BAZ1A: variants seen among roughly 807,000 people sequenced by gnomAD.
BAZ1A encodes the protein bromodomain adjacent to zinc finger domain protein 1A.
Under a neutral mutation model 185.2 loss-of-function variants are expected in BAZ1A, and 50 were observed. The ratio of observed to expected loss-of-function variants is 0.27; its 90% confidence interval spans 0.22 to 0.34. The LOEUF (loss-of-function observed/expected upper bound fraction) is 0.34, where lower values mean the gene tolerates loss of function less well. BAZ1A is among the 10% of genes least tolerant of loss of function. BAZ1A has a pLI of 1.00. For missense variants in BAZ1A, 1,356 were observed against 1,839.9 expected, an observed-to-expected ratio of 0.74 and a Z score of 4.81; for synonymous variants, 571 against 615.6, an observed-to-expected ratio of 0.93 and a Z score of 1.07.
intron 2 of BAZ1A, among the ~76,000 whole-genome samples, chr14:34,863,152 CTTT>C (rs71121233): frequency 0.044 from 1,971 of 44,748 alleles, 104 homozygotes; most frequent in South Asian, 0.07. Flanking sequence ...CCACGCTCGG[CTTT>C]TTTTTTTTTT....
At chr14:34,814,053 A>AG (rs1038633679) in intron 4 of BAZ1A, among the ~76,000 whole-genome samples, 1 of 151,734 alleles carries the variant, frequency 6.6e-6, no homozygotes, top group African/African-American at 2.4e-5. Flanking sequence ...AAAAAAAAAA[A>AG]AAAGAAAGAA....
chr14:34,809,524 T>A (rs1173288074), intron 5 of BAZ1A, among the ~76,000 whole-genome samples: 2 of 152,222 alleles, frequency 1.3e-5, no homozygotes, highest in African/African-American at 4.8e-5. Context: ...CTCTAGCATA[T>A]CAAGTCTTCT....
At chr14:34,825,447 CAAAAAAAAAAAAAAA>C (rs35449855) in intron 4 of BAZ1A, among the ~76,000 whole-genome samples, 19,713 of 57,034 alleles carry the variant, frequency 0.35, 2,287 homozygotes, top group Admixed American at 0.54. Context: ...AACTCTGTCT[CAAAAAAAAAAAAAAA>C]AAAAAAAAAA....
chr14:34,823,520 C>T (rs150298793), intron 4 of BAZ1A, among the ~76,000 whole-genome samples: 207 of 151,430 alleles, frequency 1.4e-3, no homozygotes, highest in African/African-American at 3.7e-3. Context: ...ATTAGCTGGG[C>T]GTGGTGGCAC....
intron 4 of BAZ1A, among the ~76,000 whole-genome samples, chr14:34,819,853 C>CCT (rs377047259): frequency 4.9e-4 from 74 of 152,268 alleles, no homozygotes; most frequent in Non-Finnish European, 8.4e-4. Flanking sequence ...GCCAAACTGT[C>CCT]CTCTTAAGTG....
At chr14:34,855,160 T>A (rs1043430729) in intron 3 of BAZ1A, among the ~76,000 whole-genome samples, 5 of 152,198 alleles carry the variant, frequency 3.3e-5, no homozygotes, top group African/African-American at 1.2e-4. Context: ...AAGTTCAGCC[T>A]AAAGGTTTCT....
At chr14:34,832,215 C>CACACACACACACATATATATATATATAT in intron 3 of BAZ1A, among the ~76,000 whole-genome samples, 43 of 89,688 alleles carry the variant, frequency 4.8e-4, no homozygotes, top group African/African-American at 7.5e-4. Context: ...CACACACACA[C>CACACACACACACATATATATATATATAT]ATATATATAT....
At position 34,765,037 on chromosome 14, in the gene BAZ1A, A is replaced by G; in HGVS notation, c.3533T>C (p.Val1178Ala). 6.2e-7 allele frequency: 1 copy of G among 1,614,194 alleles called. No individual in the cohort carries two copies. The highest frequency in any genetic ancestry group is 8.5e-7 in the Non-Finnish European group (1 of 1,180,022). The change falls in exon 22 of 27, where the codon GTT (valine) becomes GCT (alanine). Residue 1178 changes from valine (V) to alanine (A), a missense_variant. Transcript: ENST00000360310. ...AAAAAATACCTTGAGCTTTGGTCGA[A>G]CACAGTAGGTATGATGACCCCTATC... Reference protein sequence around the residue: ...GCDRGHHTYCVRPKLKTVPEG... With the variant: ...GCDRGHHTYCARPKLKTVPEG...
Position 34,785,993 on chromosome 14 carries a change from A to T in BAZ1A, c.1615T>A (p.Leu539Met). 3.7e-6 allele frequency: 6 copies of T among 1,613,978 alleles called. No homozygotes were observed. Among genetic ancestry groups the T allele is most frequent in the Non-Finnish European group, 5.1e-6 (6 of 1,179,904 alleles). ...CAGCTATCAAGATCCAAACTTTTCA[A>T]ACTGCAGCCTATAGTTGTTAAAAAT... is the stretch of plus-strand genomic sequence containing the variant. ...AWPQLHQGCSLKSLDLDSCTL... is the reference protein window; with the variant it reads ...AWPQLHQGCSMKSLDLDSCTL... The change falls in exon 14 of 27, where the codon TTG becomes ATG. Residue 539 changes from leucine to methionine, a missense_variant. By Grantham distance (15) the Leu-to-Met change is conservative. Transcript: ENST00000360310.
intron 6 of BAZ1A, among the ~76,000 whole-genome samples, chr14:34,805,490 GGTGTTT>G (rs1881805143): frequency 1.3e-5 from 2 of 152,064 alleles, no homozygotes; most frequent in South Asian, 4.1e-4. Flanking sequence ...TGGCCAACTG[GGTGTTT>G]ACAATATACA....
In BAZ1A at chr14:34,873,012, T is replaced by C. The variant is rs187650664; in HGVS notation, c.113+1480A>G. 3.5e-3 allele frequency among the ~76,000 whole-genome samples: 518 copies of C among 149,696 alleles called. 3 individuals are homozygous for C. Among genetic ancestry groups the C allele is most frequent in the African/African-American group, 0.012 (494 of 40,586 alleles). On this transcript the variant is annotated intron_variant, in intron 2 of 26. Transcript: ENST00000360310. ...CTCTATTTGAGTAACAAAACAAGTC[T>C]CTACAGGAGCAGAGCGAGATGTGCA...
rs756947122 is a variant in BAZ1A, at chr14:34,811,014, G to A, written c.559C>T (p.Pro187Ser). 1 of 1,598,508 alleles carries A rather than the reference G, an allele frequency of 6.3e-7. No individual in the cohort carries two copies. Among genetic ancestry groups the A allele is most frequent in the Non-Finnish European group, 8.5e-7 (1 of 1,169,964 alleles). Reference protein sequence around the residue: ...QNGKKKDAIDPLLFKYKVQPT... With the variant: ...QNGKKKDAIDSLLFKYKVQPT... The stretch of plus-strand genomic sequence containing the variant: ...TGCACTTTATACTTGAATAGTAAGG[G>A]ATCAATTGCATCTTTTTTCTTCCTA... Residue 187 changes from proline (P) to serine (S), a missense_variant, in exon 5 of 27, where the codon CCC becomes TCC. This residue lies in a region of BAZ1A where 332 missense variants were observed against 395.3 expected (regional missense o/e 0.84). Coordinates refer to ENST00000360310, the MANE Select transcript of BAZ1A (RefSeq NM_013448.3).
chr14:34,803,176 C>T (rs113353836), intron 6 of BAZ1A, among the ~76,000 whole-genome samples, 188 bp from the exon 7 acceptor site: 3 of 151,900 alleles, frequency 2.0e-5, no homozygotes, highest in Non-Finnish European at 2.9e-5. Context: ...GTCAAGAGAT[C>T]GAGACCATCC....
chr14:34,863,225 C>T (rs1242873983), intron 2 of BAZ1A, among the ~76,000 whole-genome samples: 1 of 128,780 alleles, frequency 7.8e-6, no homozygotes, highest in African/African-American at 2.9e-5. Context: ...AGTGCAATGG[C>T]GCGATCTCGG....
rs2043002244 is a variant in BAZ1A at position 34,874,212 on chromosome 14, G to A, written c.113+280C>T. 3.0e-6 allele frequency: 1 copy of A among 335,100 alleles called. No individual in the cohort carries two copies. Among genetic ancestry groups the A allele is most frequent in the Non-Finnish European group, 5.5e-6 (1 of 180,882 alleles). The allele number at this position is 335,100 out of a possible 1,614,324, so 20.8% of individuals were successfully genotyped here. On this transcript the variant is annotated intron_variant, in intron 2 of 26. Coordinates refer to ENST00000360310, the MANE Select transcript of BAZ1A (RefSeq NM_013448.3). The surrounding 1 kb of genome is among the most constrained non-coding windows in gnomAD (Gnocchi z 4.7). ...CGCCGCCCCGCGGCCAAGAGGGCGG[G>A]AGGGCGACAGCAGCGGCTAGGAGCG...
intron 3 of BAZ1A, among the ~76,000 whole-genome samples, chr14:34,827,355 T>C (rs2042178565): frequency 2.6e-5 from 4 of 152,214 alleles, no homozygotes; most frequent in African/African-American, 7.2e-5. Flanking sequence ...CCATCCATTA[T>C]GGAAGATGGA....
At chr14:34,844,834 T>C (rs1334757696) in intron 3 of BAZ1A, among the ~76,000 whole-genome samples, 2 of 151,488 alleles carry the variant, frequency 1.3e-5, no homozygotes, top group Non-Finnish European at 1.5e-5. Flanking sequence ...TTATTTTTCA[T>C]AAAAATAGAA....
intron 12 of BAZ1A, among the ~76,000 whole-genome samples, chr14:34,792,397 T>G (rs1451589470): frequency 6.7e-6 from 1 of 149,240 alleles, no homozygotes; most frequent in African/African-American, 2.4e-5. Flanking sequence ...AAAAAAAAAG[T>G]ATTTCCTTAG....
intron 3 of BAZ1A, among the ~76,000 whole-genome samples, chr14:34,848,411 G>A (rs1428333406): frequency 1.3e-5 from 2 of 152,070 alleles, no homozygotes; most frequent in Admixed American, 1.3e-4. Flanking sequence ...TTCGAGACCA[G>A]CCTGACCAAC....
Sources: allele counts gnomAD v4.1 joint callset (sites outside exome capture counted in the v4.1 genomes callset), GRCh38; gene constraint gnomAD v4.1.1; regional missense constraint gnomAD v4.1.1; non-coding constraint Gnocchi (gnomAD v3.1); transcripts MANE v1.5; gene names NCBI Gene and HGNC (gene_info 2026-07-23, HGNC 2026-07-21).